The following EXT1 variants were observed in gnomAD, a reference collection of about 807,000 sequenced individuals.
EXT1 encodes exostosin-1.
A neutral mutation model predicts 82.5 loss-of-function variants in EXT1; 20 were observed. The observed-to-expected ratio is 0.24, with a 90% CI of 0.17 to 0.35. The LOEUF (loss-of-function observed/expected upper bound fraction) is 0.35, where lower values mean the gene tolerates loss of function less well. Ranked by LOEUF, EXT1 falls within the 10% of genes least tolerant of loss-of-function variation. The pLI is 1.00. For synonymous variants in EXT1, 348 were observed against 350.8 expected (o/e 0.99, Z 0.09); for missense variants, 757 against 936.5 (o/e 0.81, Z 2.50).
chr8:118,093,181 C>A (rs1377491806), intron 1 of EXT1, among the ~76,000 whole-genome samples: 1 of 150,806 alleles, frequency 6.6e-6, no homozygotes, highest in Non-Finnish European at 1.5e-5. Flanking sequence ...TACACTCCCC[C>A]CACCCCCCAA....
chr8:117,829,771 C>T (rs1812067766), intron 4 of EXT1, among the ~76,000 whole-genome samples: 1 of 152,000 alleles, frequency 6.6e-6, no homozygotes, highest in Admixed American at 6.6e-5. Flanking sequence ...GACGAGGTTT[C>T]ACCATGTTGG....
At chr8:117,848,242 T>C (rs1016986743) in intron 1 of EXT1, among the ~76,000 whole-genome samples, 4 of 152,216 alleles carry the variant, frequency 2.6e-5, no homozygotes, top group African/African-American at 9.7e-5. Context: ...GGTTGAAGAT[T>C]TGATGCCACA....
chr8:117,811,976 T>G (rs1430480248), intron 8 of EXT1, among the ~76,000 whole-genome samples: 1 of 152,136 alleles, frequency 6.6e-6, no homozygotes, highest in Non-Finnish European at 1.5e-5. Context: ...CTTGGCTCTG[T>G]GGGCAGCAGG....
intron 1 of EXT1, among the ~76,000 whole-genome samples, chr8:118,079,305 T>A (rs1352870596): frequency 6.6e-6 from 1 of 152,236 alleles, no homozygotes; most frequent in Admixed American, 6.5e-5. Flanking sequence ...TTTCACCATG[T>A]CCACAAGTTG....
At chr8:118,100,432 T>C (rs944613649) in intron 1 of EXT1, among the ~76,000 whole-genome samples, 2 of 152,146 alleles carry the variant, frequency 1.3e-5, no homozygotes, top group African/African-American at 4.8e-5. Context: ...CTCCAAATGT[T>C]ACCCTCAACT....
At chr8:118,071,004 T>C (rs1817081397) in intron 1 of EXT1, among the ~76,000 whole-genome samples, 1 of 152,262 alleles carries the variant, frequency 6.6e-6, no homozygotes, top group African/African-American at 2.4e-5. Context: ...TAATTTGTTT[T>C]GAAGTAGCTT....
chr8:117,996,484 C>T (rs552598457), intron 1 of EXT1, among the ~76,000 whole-genome samples: 8 of 152,306 alleles, frequency 5.3e-5, no homozygotes, highest in South Asian at 2.1e-4. Context: ...CCAGACACAA[C>T]GCTGCTTCAG....
intron 1 of EXT1, among the ~76,000 whole-genome samples, chr8:118,056,144 A>G (rs374889814): frequency 1.3e-3 from 201 of 152,358 alleles, no homozygotes; most frequent in African/African-American, 4.4e-3. Flanking sequence ...GGTTGCATTC[A>G]AAGCCATTCT....
chr8:117,846,631 G>T (rs993640151), intron 1 of EXT1, among the ~76,000 whole-genome samples: 4 of 152,144 alleles, frequency 2.6e-5, no homozygotes, highest in Admixed American at 2.6e-4. Flanking sequence ...TGGATAAATG[G>T]GTCCAGAAGA....
chr8:117,885,667 C>G (rs1374675710), intron 1 of EXT1, among the ~76,000 whole-genome samples: 1 of 152,186 alleles, frequency 6.6e-6, no homozygotes, highest in Non-Finnish European at 1.5e-5. Flanking sequence ...GAGACTCCTA[C>G]CAACTTGTTC....
At chr8:118,011,639 A>G (rs1342282252) in intron 1 of EXT1, among the ~76,000 whole-genome samples, 2 of 152,194 alleles carry the variant, frequency 1.3e-5, no homozygotes, top group Non-Finnish European at 1.5e-5. Context: ...CCAAAGTCGC[A>G]TATGTGGAAA....
At chr8:117,939,050 T>C (rs1382726300) in intron 1 of EXT1, among the ~76,000 whole-genome samples, 9 of 152,030 alleles carry the variant, frequency 5.9e-5, no homozygotes, top group Admixed American at 3.3e-4. Context: ...AGCTGTTTTT[T>C]TTTCCCCCCA....
chr8:117,820,841 A>C (rs1412402035), intron 5 of EXT1, among the ~76,000 whole-genome samples: 1 of 152,214 alleles, frequency 6.6e-6, no homozygotes, highest in Non-Finnish European at 1.5e-5. Flanking sequence ...ATATTCCCAG[A>C]ATCTCTTCTT....
intron 1 of EXT1, among the ~76,000 whole-genome samples, chr8:118,020,803 C>A (rs961326143): frequency 5.9e-5 from 9 of 152,190 alleles, no homozygotes. Context: ...TTGACCATAG[C>A]AACCTTGGCT....
At chr8:118,047,961 G>A (rs1159322095) in intron 1 of EXT1, among the ~76,000 whole-genome samples, 4 of 151,772 alleles carry the variant, frequency 2.6e-5, no homozygotes, top group African/African-American at 9.7e-5. Flanking sequence ...GGGAGGCAGA[G>A]GTTGCAGTGA....
intron 1 of EXT1, among the ~76,000 whole-genome samples, chr8:117,949,462 G>GTA (rs1027650565): frequency 1.3e-5 from 2 of 149,982 alleles, no homozygotes; most frequent in African/African-American, 4.9e-5. Flanking sequence ...GTTTGTGTGT[G>GTA]TATATATACA....
chr8:117,911,662 G>C (rs1480151729), intron 1 of EXT1, among the ~76,000 whole-genome samples: 1 of 152,198 alleles, frequency 6.6e-6, no homozygotes, highest in East Asian at 1.9e-4. Flanking sequence ...CTGCGAGCTT[G>C]TAAAAAGCAG....
chr8:117,916,424 C>A (rs1813755211), intron 1 of EXT1, among the ~76,000 whole-genome samples: 1 of 152,138 alleles, frequency 6.6e-6, no homozygotes, highest in South Asian at 2.1e-4. Context: ...TCCAGAAAAC[C>A]CAGCAAGACC....
chr8:117,933,155 G>C (rs557882673), intron 1 of EXT1, among the ~76,000 whole-genome samples: 4 of 151,624 alleles, frequency 2.6e-5, no homozygotes, highest in African/African-American at 4.9e-5. Flanking sequence ...TGGTCTTTTA[G>C]AACCAGTCAG....
Sources: allele counts gnomAD v4.1 joint callset (sites outside exome capture counted in the v4.1 genomes callset), GRCh38; gene constraint gnomAD v4.1.1; transcripts MANE v1.5; gene names NCBI Gene and HGNC (gene_info 2026-07-23, HGNC 2026-07-21).